Variants in SLC2A7 observed in about 807,000 individuals in gnomAD.
SLC2A7 encodes solute carrier family 2 member 7.
In SLC2A7, 50 loss-of-function variants were observed where a neutral mutation model predicts 50.5. The observed-to-expected ratio is 0.99, with a 90% CI of 0.79 to 1.25. SLC2A7 has a LOEUF of 1.25. Among genes scored for constraint, SLC2A7 ranks in the 50% most tolerant of loss-of-function variants. The pLI, the probability that SLC2A7 is intolerant of heterozygous loss-of-function variation, is 0.00. For synonymous variants in SLC2A7, 308 were observed against 300.4 expected (o/e 1.03, Z -0.26); for missense variants, 683 against 679.1 (o/e 1.01, Z -0.06).
intron 6 of SLC2A7, 72 bp from the exon 7 acceptor site, chr1:9,014,940 C>T: frequency 6.6e-7 from 1 of 1,509,298 alleles, no homozygotes; most frequent in South Asian, 1.3e-5. Flanking sequence ...CCATGCTGGC[C>T]CTGAGCTCAC....
chr1:9,016,068 G>A (rs1263155581), intron 5 of SLC2A7, among the ~76,000 whole-genome samples: 1 of 152,128 alleles, frequency 6.6e-6, no homozygotes, highest in Non-Finnish European at 1.5e-5. Flanking sequence ...AAGTGGCGAG[G>A]GCTGAATGAG....
At chr1:9,016,065 G>A (rs777789846) in intron 5 of SLC2A7, among the ~76,000 whole-genome samples, 20 of 152,280 alleles carry the variant, frequency 1.3e-4, no homozygotes, top group Middle Eastern at 3.4e-3. Context: ...AAGAAGTGGC[G>A]AGGGCTGAAT....
chr1:8,997,914 C>T, the SLC2A7 span, among the ~76,000 whole-genome samples: 2 of 152,216 alleles, frequency 1.3e-5, no homozygotes, highest in East Asian at 3.9e-4. Context: ...GTAACCTAAG[C>T]TCACAAAGAT....
chr1:9,014,194 C>T (rs1486914368), intron 7 of SLC2A7, among the ~76,000 whole-genome samples: 1 of 152,260 alleles, frequency 6.6e-6, no homozygotes, highest in Non-Finnish European at 1.5e-5. Flanking sequence ...CTGGGTCACC[C>T]ACCCAATCTC....
intron 9 of SLC2A7, among the ~76,000 whole-genome samples, chr1:9,009,575 G>C (rs1266707549): frequency 6.6e-6 from 1 of 152,186 alleles, no homozygotes; most frequent in Non-Finnish European, 1.5e-5. Context: ...TCCCACCTCA[G>C]CTTCCTGAGT....
chr1:8,993,115 C>T, the SLC2A7 span, among the ~76,000 whole-genome samples: 164 of 152,270 alleles, frequency 1.1e-3, no homozygotes, highest in African/African-American at 2.8e-3. Flanking sequence ...ACAATCATGG[C>T]GGAAGGCAAG....
the SLC2A7 span, among the ~76,000 whole-genome samples, chr1:8,993,300 C>T: frequency 5.9e-5 from 9 of 152,320 alleles, no homozygotes; most frequent in South Asian, 2.1e-4. Context: ...CCTCCCACAA[C>T]GTGTGGGAAT....
intron 1 of SLC2A7, among the ~76,000 whole-genome samples, chr1:9,025,584 C>A (rs1640986199): frequency 6.6e-6 from 1 of 152,256 alleles, no homozygotes; most frequent in African/African-American, 2.4e-5. Flanking sequence ...GAGCCGGGAC[C>A]AGAATGGATG....
chr1:9,019,569 G>A (rs2124261830), intron 3 of SLC2A7, among the ~76,000 whole-genome samples: 1 of 152,292 alleles, frequency 6.6e-6, no homozygotes, highest in East Asian at 1.9e-4. Flanking sequence ...AGGTCATGTG[G>A]GGCCCTCACG....
rs529308113 is a variant in SLC2A7 at position 9,018,919 on chromosome 1, T to C, written c.436+290A>G. ...AGGCTTGGCCAGGTACAGTGGCTCA[T>C]ACCTGTAATCCCAGGACTTTGGGAG... On this transcript the variant is annotated intron_variant, in intron 4 of 11. Transcript: ENST00000400906. Among the ~76,000 whole-genome samples the C allele has an allele frequency of 4.6e-5, 7 of 152,260 alleles. No individual in the cohort carries two copies. In the East Asian group the frequency reaches 1.4e-3, roughly 29 times the overall value.
Position 9,007,380 on chromosome 1 carries a change from C to A in SLC2A7, c.1122G>T (p.Arg374Ser), listed in dbSNP as rs752931488. ...TGCCGAGGTAGGACAGCTCGGGGACCCTGTTCTGTGGGGAGAGGCAGGGCT... is the reference window on the plus strand; with the variant it reads ...TGCCGAGGTAGGACAGCTCGGGGACACTGTTCTGTGGGGAGAGGCAGGGCT... ...VLTVVLLFQN[R>S]VPELSYLGII... Residue 374 changes from arginine to serine, a missense_variant, in exon 10 of 12, where the codon AGG becomes AGT. Physicochemically the swap from Arg to Ser is moderately radical, Grantham distance 110 (BLOSUM62 -1). Coordinates refer to ENST00000400906, the MANE Select transcript of SLC2A7 (RefSeq NM_207420.3). 8 of 1,614,082 alleles carry A rather than the reference C, an allele frequency of 5.0e-6. No homozygotes were observed. Among genetic ancestry groups the A allele is most frequent in the South Asian group, 2.2e-5 (2 of 91,074 alleles).
At chr1:9,024,708 A>C (rs867088888) in intron 2 of SLC2A7, among the ~76,000 whole-genome samples, 18 of 152,180 alleles carry the variant, frequency 1.2e-4, no homozygotes, top group African/African-American at 4.3e-4. Context: ...CTGAGGCCCA[A>C]AAAGACTGGG....
chr1:9,004,522 C>T (rs1640623713), intron 11 of SLC2A7, among the ~76,000 whole-genome samples: 1 of 150,958 alleles, frequency 6.6e-6, no homozygotes, highest in Non-Finnish European at 1.5e-5. Context: ...ACCAGAGCCC[C>T]TAAGCAATAG....
rs1299333336 is a variant in SLC2A7, at chr1:9,010,230, C to A, written c.1029G>T (p.Glu343Asp). ...VMTITSAVLV[E>D]RLGRRHLLLA... ...GCAGGAGGTGCCGCCGTCCCAGCCG[C>A]TCCACAAGGACAGCCTGGAGGGGAA... The change falls in exon 9 of 12, where the codon GAG becomes GAT. Residue 343 changes from glutamate (E) to aspartate (D), a missense_variant. Coordinates refer to ENST00000400906, the MANE Select transcript of SLC2A7 (RefSeq NM_207420.3). 3.2e-6 allele frequency: 5 copies of A among 1,551,020 alleles called. No homozygotes were observed. The African/African-American group carries it at 6.8e-5, about 21-fold the overall frequency.
chr1:9,009,592 G>A (rs1457704688), intron 9 of SLC2A7, among the ~76,000 whole-genome samples: 1 of 152,190 alleles, frequency 6.6e-6, no homozygotes, highest in Non-Finnish European at 1.5e-5. Context: ...GAGTAGCTGG[G>A]ACTACAGGTG....
chr1:9,011,068 C>A (rs547959929), intron 8 of SLC2A7, among the ~76,000 whole-genome samples: 1 of 151,698 alleles, frequency 6.6e-6, no homozygotes, highest in East Asian at 1.9e-4. Flanking sequence ...ACAGCTGGCA[C>A]AGCCCCTGTG....
At position 9,019,223 on chromosome 1, in the gene SLC2A7, A is replaced by G. The variant is rs1640875326; in HGVS notation, c.422T>C (p.Leu141Pro). The G allele has an allele frequency of 6.2e-7, 1 of 1,613,968 alleles. No homozygotes were observed. Among genetic ancestry groups the G allele is most frequent in the Non-Finnish European group, 8.5e-7 (1 of 1,179,904 alleles). The change falls in exon 4 of 12, where the codon CTG becomes CCG. Residue 141 changes from leucine to proline, a missense_variant. Coordinates refer to ENST00000400906, the MANE Select transcript of SLC2A7 (RefSeq NM_207420.3). ...GCCCCAGGTACCTGCACAGACTCCC[A>G]GCACCACTCGGGAAAAGACGATCAG... ...FELIVFSRVV[L>P]GVCAGISYSA...
At chr1:8,995,214 C>CAAG in the SLC2A7 span, among the ~76,000 whole-genome samples, 1 of 151,408 alleles carries the variant, frequency 6.6e-6, no homozygotes. Context: ...TTTGGGAGGC[C>CAAG]GTCGCGGGTG....
intron 11 of SLC2A7, among the ~76,000 whole-genome samples, chr1:9,004,115 A>G (rs1450294139): frequency 6.6e-6 from 1 of 151,858 alleles, no homozygotes; most frequent in Admixed American, 6.6e-5. Context: ...TAATCCCAGC[A>G]CTTTCGAAGT....
Sources: gnomAD v4.1 joint callset for allele counts (sites outside exome capture counted in the v4.1 genomes callset) on GRCh38, gnomAD v4.1.1 for gene constraint, MANE v1.5 for transcripts, NCBI Gene and HGNC (gene_info 2026-07-23, HGNC 2026-07-21) for gene names.